Variants in C12orf56 observed in about 807,000 individuals in gnomAD.
C12orf56 encodes the protein uncharacterized protein C12orf56.
Under a neutral mutation model 69.9 loss-of-function variants are expected in C12orf56, and 71 were observed. The observed-to-expected ratio is 1.02, with a 90% CI of 0.84 to 1.24. C12orf56 has a LOEUF of 1.24. C12orf56 is among the 50% of genes most tolerant of loss of function. C12orf56 has a pLI of 0.00. For synonymous variants in C12orf56, 276 were observed against 274.1 expected (o/e 1.01, Z -0.07); for missense variants, 732 against 738.5 (o/e 0.99, Z 0.10).
chr12:64,275,213 T>C, intron 10 of C12orf56, 85 bp downstream of exon 10: 3 of 738,674 alleles, frequency 4.1e-6, no homozygotes, highest in Non-Finnish European at 6.4e-6. Context: ...CATAATCACA[T>C]AATATACATA....
chr12:64,337,854 C>CAAAA (rs748434656), intron 2 of C12orf56, among the ~76,000 whole-genome samples: 12,297 of 89,156 alleles, frequency 0.14, 584 homozygotes, highest in East Asian at 0.28. Flanking sequence ...AAAATTCTGT[C>CAAAA]AAAAAAAAAA....
intron 6 of C12orf56, among the ~76,000 whole-genome samples, chr12:64,293,863 TGA>T (rs2038329343): frequency 1.3e-5 from 2 of 152,156 alleles, no homozygotes; most frequent in African/African-American, 4.8e-5. Flanking sequence ...GCCAGGAGTG[TGA>T]GAGAACTGGT....
chr12:64,341,011 T>G (rs1275101973), intron 2 of C12orf56, among the ~76,000 whole-genome samples: 4 of 152,106 alleles, frequency 2.6e-5, no homozygotes, highest in African/African-American at 9.7e-5. Context: ...CTTTCTTAAC[T>G]CCATTGTGGA....
Position 64,266,848 on chromosome 12 carries a change from C to A in C12orf56, c.*335G>T. 3.1e-6 allele frequency: 1 copy of A among 319,620 alleles called. No individual in the cohort carries two copies. Among genetic ancestry groups the A allele is most frequent in the Non-Finnish European group, 5.7e-6 (1 of 176,240 alleles). 19.8% of individuals were successfully genotyped at this position (319,620 alleles called of 1,614,324 possible). A position where few individuals can be genotyped will look rare whatever the true frequency, so the allele number is the denominator to read the frequency against. On this transcript the variant is annotated 3_prime_UTR_variant, in exon 13 of 13. Coordinates refer to ENST00000543942, the MANE Select transcript of C12orf56 (RefSeq NM_001170633.2). ...TAAGGTGGAAGAGAAGTGAGTACAG[C>A]TTTCCTAAATCCCTGCATTCCTTTT...
intron 2 of C12orf56, among the ~76,000 whole-genome samples, chr12:64,334,670 G>A (rs1413938952): frequency 1.3e-5 from 2 of 152,006 alleles, no homozygotes; most frequent in African/African-American, 4.8e-5. Context: ...TATGAATGTG[G>A]AGCTCACGAC....
intron 10 of C12orf56, 76 bp downstream of exon 10, chr12:64,275,222 T>C (rs904806390): frequency 7.7e-5 from 52 of 676,400 alleles, no homozygotes; most frequent in Non-Finnish European, 1.2e-4. Flanking sequence ...ATAATATACA[T>C]ATATCATAAT....
chr12:64,367,569 G>A (rs1181120924), intron 1 of C12orf56, among the ~76,000 whole-genome samples: 1 of 147,926 alleles, frequency 6.8e-6, no homozygotes, highest in Non-Finnish European at 1.5e-5. Context: ...GCAGTGGCAT[G>A]ATCTTGGCTC....
chr12:64,354,378 G>T (rs183233041), intron 1 of C12orf56, among the ~76,000 whole-genome samples: 70 of 152,282 alleles, frequency 4.6e-4, no homozygotes, highest in Middle Eastern at 6.8e-3. Flanking sequence ...AGTTGAGGCT[G>T]TAGTGTGCCA....
At chr12:64,313,652 T>C (rs533123054) in intron 4 of C12orf56, among the ~76,000 whole-genome samples, 45 of 151,302 alleles carry the variant, frequency 3.0e-4, no homozygotes, top group Non-Finnish European at 5.9e-4. Context: ...TATATTTTTA[T>C]AATATATATT....
intron 1 of C12orf56, among the ~76,000 whole-genome samples, chr12:64,371,790 A>G (rs1311360528): frequency 1.3e-5 from 2 of 151,640 alleles, no homozygotes; most frequent in Non-Finnish European, 2.9e-5. Flanking sequence ...AGATCATGCC[A>G]TTGCACTCCA....
chr12:64,371,132 T>TG (rs2039564882), intron 1 of C12orf56, among the ~76,000 whole-genome samples: 1 of 152,204 alleles, frequency 6.6e-6, no homozygotes, highest in South Asian at 2.1e-4. Flanking sequence ...CCAGACACGG[T>TG]GGCTCACAAC....
rs1007205654 is a variant in C12orf56, at chr12:64,390,743, C to A, written c.-178G>T. The A allele has an allele frequency of 3.7e-5, 32 of 854,214 alleles. No homozygotes were observed. The highest frequency in any genetic ancestry group is 2.4e-4 in the Admixed American group (6 of 24,658). 52.9% of individuals were successfully genotyped at this position (854,214 alleles called of 1,614,324 possible). A position where few individuals can be genotyped will look rare whatever the true frequency, so the allele number is the denominator to read the frequency against. ...CGACGCTAGGTCGGCTTCCCTGGAG[C>A]GCCCTCCCCAGCCCTGTCCAGCCTC... On this transcript the variant is annotated 5_prime_UTR_variant, in exon 1 of 13. Transcript: ENST00000543942.
intron 1 of C12orf56, among the ~76,000 whole-genome samples, chr12:64,359,529 A>G (rs1287901893): frequency 2.0e-5 from 3 of 152,182 alleles, no homozygotes; most frequent in African/African-American, 7.2e-5. Context: ...GTCTCTTTCT[A>G]AAGATCACAG....
intron 3 of C12orf56, among the ~76,000 whole-genome samples, chr12:64,321,368 T>A (rs2038770366): frequency 6.6e-6 from 1 of 152,030 alleles, no homozygotes; most frequent in South Asian, 2.1e-4. Context: ...GAGATGGGGG[T>A]CTCACTACAT....
chr12:64,375,897 A>C (rs908684496), intron 1 of C12orf56, among the ~76,000 whole-genome samples: 1 of 152,312 alleles, frequency 6.6e-6, no homozygotes, highest in Admixed American at 6.5e-5. Flanking sequence ...CCAGCTCAGT[A>C]GTGGGACTGA....
Position 64,390,546 on chromosome 12 carries a change from G to C in C12orf56, c.20C>G (p.Ser7Cys). 6.3e-7 allele frequency: 1 copy of C among 1,594,138 alleles called. No individual in the cohort carries two copies. MASPLP[S>C]GFPARRNSRL... ...GCTGTTCCTGCGCGCGGGGAAGCCG[G>C]ACGGCAAGGGGCTGGCCATGCCCGG... The change falls in exon 1 of 13, where the codon TCC becomes TGC. Residue 7 changes from serine (S) to cysteine (C), a missense_variant. Transcript: ENST00000543942.
Position 64,265,693 on chromosome 12 carries a change from T to C in C12orf56, c.*1490A>G, listed in dbSNP as rs546455526. On this transcript the variant is annotated 3_prime_UTR_variant, in exon 13 of 13. Transcript: ENST00000543942. ...ATCTCCACTGCCCAACACAGGCGAA[T>C]CTGGCTTAGGAACTCTTTCTTTGGA... The C allele has an allele frequency of 6.6e-6, 1 of 152,396 alleles. No individual in the cohort carries two copies. Among genetic ancestry groups the C allele is most frequent in the East Asian group, 1.9e-4 (1 of 5,192 alleles). 9.4% of individuals were successfully genotyped at this position (152,396 alleles called of 1,614,324 possible). A position where few individuals can be genotyped will look rare whatever the true frequency, so the allele number is the denominator to read the frequency against.
chr12:64,331,562 T>C (rs1170233341), intron 2 of C12orf56, among the ~76,000 whole-genome samples: 1 of 152,184 alleles, frequency 6.6e-6, no homozygotes, highest in East Asian at 1.9e-4. Flanking sequence ...ATTAAGTCAC[T>C]AGGGCTCTGC....
chr12:64,277,095 T>C (rs978202680), intron 9 of C12orf56, among the ~76,000 whole-genome samples: 1 of 148,850 alleles, frequency 6.7e-6, no homozygotes, highest in African/African-American at 2.5e-5. Context: ...TCATGTTTCA[T>C]CCTTTAAAAA....
Sources: gnomAD v4.1 joint callset for allele counts (sites outside exome capture counted in the v4.1 genomes callset) on GRCh38, gnomAD v4.1.1 for gene constraint, MANE v1.5 for transcripts, NCBI Gene and HGNC (gene_info 2026-07-23, HGNC 2026-07-21) for gene names.